PABPC1L: variants seen among roughly 807,000 people sequenced by gnomAD.
The protein encoded by PABPC1L is poly(A) binding protein cytoplasmic 1 like, also known as polyadenylate-binding protein 1-like.
A neutral mutation model predicts 66.6 loss-of-function variants in PABPC1L; 31 were observed. The ratio of observed to expected loss-of-function variants is 0.47; its 90% CI spans 0.35 to 0.63. The LOEUF is 0.63. Ranked by LOEUF, PABPC1L falls within the 20% of genes least tolerant of loss-of-function variation. The pLI is 0.00. For synonymous variants in PABPC1L, 348 were observed against 335.1 expected (o/e 1.04, Z -0.42); for missense variants, 722 against 848.8 (o/e 0.85, Z 1.86).
At chr20:44,921,937 G>T (rs1053157530) in intron 6 of PABPC1L, among the ~76,000 whole-genome samples, 1 of 152,206 alleles carries the variant, frequency 6.6e-6, no homozygotes, top group African/African-American at 2.4e-5. Flanking sequence ...CATCATAGGG[G>T]TTAGTAGGGG....
chr20:44,928,864 CAAAAA>C (rs10597679), intron 7 of PABPC1L, among the ~76,000 whole-genome samples: 3 of 54,342 alleles, frequency 5.5e-5, no homozygotes, highest in African/African-American at 2.6e-4. Context: ...GATCCTGACT[CAAAAA>C]AAAAAAAAAA....
chr20:44,938,659 A>T lies in PABPC1L; in HGVS notation c.1792-15A>T, dbSNP rs1283147034. The T allele has an allele frequency of 6.2e-7, 1 of 1,602,066 alleles. No homozygotes were observed. The highest frequency in any genetic ancestry group is 1.7e-5 in the Admixed American group (1 of 58,222). On this transcript the variant is annotated splice_polypyrimidine_tract_variant and intron_variant, in intron 13 of 14. Transcript: ENST00000217073. ...GATAGCTGCACTAAGCCCCCCCGCC[A>T]CTCATGTCTCACAGATAGACGAGGC...
chr20:44,937,981 G>A, intron 12 of PABPC1L, 80 bp from the exon 13 acceptor site: 1 of 1,594,030 alleles, frequency 6.3e-7, no homozygotes, highest in Non-Finnish European at 8.5e-7. Flanking sequence ...GATGTCCTCA[G>A]TGCTCCACTC....
At position 44,932,382 on chromosome 20, in the gene PABPC1L, C is replaced by T; in HGVS notation, c.1280C>T (p.Thr427Ile). 1 of 1,613,868 alleles carries T rather than the reference C, an allele frequency of 6.2e-7. No individual in the cohort carries two copies. Among genetic ancestry groups the T allele is most frequent in the Non-Finnish European group, 8.5e-7 (1 of 1,179,858 alleles). ...QAAYYGCGPV[T>I]PTQPAPRWTS... ...GCATACTATGGCTGTGGCCCAGTGA[C>T]ACCCACCCAGCCTGCCCCCAGGTGG... is the stretch of plus-strand genomic sequence containing the variant. The change falls in exon 9 of 15, where the codon ACA (threonine) becomes ATA (isoleucine). Residue 427 changes from threonine to isoleucine, a missense_variant. Physicochemically the swap from Thr to Ile is moderately conservative, Grantham distance 89 (BLOSUM62 -1). This residue lies in a region of PABPC1L where 301 missense variants were observed against 337.2 expected (regional missense o/e 0.89). Transcript: ENST00000217073.
chr20:44,923,790 C>T (rs1230156137), intron 6 of PABPC1L, among the ~76,000 whole-genome samples: 2 of 152,112 alleles, frequency 1.3e-5, no homozygotes, highest in Non-Finnish European at 2.9e-5. Flanking sequence ...CAGGGAGGAG[C>T]TCTGACTCCT....
At position 44,916,818 on chromosome 20, in the gene PABPC1L, C is replaced by T. The variant is rs370332339; in HGVS notation, c.450C>T (p.Ala150=). The change falls in exon 3 of 15, where the codon GCC becomes GCT. Residue 150 remains alanine (A), a synonymous_variant. Transcript: ENST00000217073. ...FGFVHFETHE[A]AQQAINTMNG... ...TTGTCCATTTTGAGACCCATGAGGC[C>T]GCACAGCAGGCCATCAACACCATGA... The T allele has an allele frequency of 9.3e-6, 15 of 1,614,052 alleles. No homozygotes were observed. Among genetic ancestry groups the T allele is most frequent in the African/African-American group, 8.0e-5 (6 of 74,920 alleles).
chr20:44,918,595 T>C (rs2066752171), intron 3 of PABPC1L, among the ~76,000 whole-genome samples: 2 of 152,242 alleles, frequency 1.3e-5, no homozygotes, highest in South Asian at 4.1e-4. Flanking sequence ...AGCCCTTGTC[T>C]GTCTGACTCT....
chr20:44,934,997 G>T (rs907295372), intron 10 of PABPC1L, among the ~76,000 whole-genome samples: 1 of 152,084 alleles, frequency 6.6e-6, no homozygotes, highest in African/African-American at 2.4e-5. Flanking sequence ...GAACCCAGGA[G>T]GGGGAGGTTG....
chr20:44,910,151 C>T lies in PABPC1L; in HGVS notation c.8C>T (p.Ala3Val), dbSNP rs1269737201. ...CCCGGCCCCCTGCCCACCATGAACGCCAGCGGTTCTGGCTACCCGCTTGCC... is the reference window on the plus strand; with the variant it reads ...CCCGGCCCCCTGCCCACCATGAACGTCAGCGGTTCTGGCTACCCGCTTGCC... MN[A>V]SGSGYPLASL... Residue 3 changes from alanine (A) to valine (V), a missense_variant, in exon 1 of 15, where the codon GCC (alanine) becomes GTC (valine). Physicochemically the swap from Ala to Val is moderately conservative, Grantham distance 64. Coordinates refer to ENST00000217073, the MANE Select transcript of PABPC1L (RefSeq NM_001372179.1). 2 of 1,564,510 alleles carry T rather than the reference C, an allele frequency of 1.3e-6. No individual in the cohort carries two copies. The highest frequency in any genetic ancestry group is 1.7e-4 in the Middle Eastern group (1 of 5,990).
In PABPC1L at chr20:44,933,108, G is replaced by T. The variant is rs373736182; in HGVS notation, c.1382G>T (p.Arg461Leu). The change falls in exon 10 of 15, where the codon CGC (arginine) becomes CTC (leucine). Residue 461 changes from arginine (R) to leucine (L), a missense_variant. This residue lies in a region of PABPC1L where 301 missense variants were observed against 337.2 expected (regional missense o/e 0.89). Transcript: ENST00000217073. Reference sequence around the variant, plus strand: ...GTCCGGCCACCAGTTGTGCCTCGGCGCCCCCCGGCCCACATCAGCAGTGTC... The same window carrying T: ...GTCCGGCCACCAGTTGTGCCTCGGCTCCCCCCGGCCCACATCAGCAGTGTC... ...SMVRPPVVPR[R>L]PPAHISSVRQ... 8.9e-5 allele frequency: 143 copies of T among 1,606,348 alleles called. 1 individual carries two copies. Among genetic ancestry groups the T allele is most frequent in the Non-Finnish European group, 1.2e-4 (136 of 1,177,330 alleles).
At chr20:44,924,024 T>A in intron 6 of PABPC1L, 137 bp from the exon 7 acceptor site, 1 of 703,406 alleles carries the variant, frequency 1.4e-6, no homozygotes. Context: ...ACCTGGGTGC[T>A]GAGGGAGACG....
intron 7 of PABPC1L, 77 bp from the exon 8 acceptor site, chr20:44,930,383 T>C (rs964840224): frequency 1.9e-5 from 29 of 1,541,320 alleles, no homozygotes; most frequent in Middle Eastern, 1.8e-4. Flanking sequence ...GCTTAGCCCA[T>C]GGGGAGGAGG....
At position 44,939,189 on chromosome 20, in the gene PABPC1L, C is replaced by T. The variant is rs2066924816; in HGVS notation, c.*70C>T. ...GTGTTTCTGGCTCTCAGCCCTAAGG[C>T]CCTGCAAACTCTAACTTATTTCCCA... On this transcript the variant is annotated 3_prime_UTR_variant, in exon 15 of 15. Coordinates refer to ENST00000217073, the MANE Select transcript of PABPC1L (RefSeq NM_001372179.1). 1.4e-6 allele frequency: 1 copy of T among 718,002 alleles called. No individual in the cohort carries two copies. The highest frequency in any genetic ancestry group is 2.6e-6 in the Non-Finnish European group (1 of 385,194). 44.5% of individuals were successfully genotyped at this position (718,002 alleles called of 1,614,324 possible).
intron 1 of PABPC1L, 135 bp from the exon 2 acceptor site, chr20:44,912,520 CTCTTA>C: frequency 1.5e-6 from 1 of 685,992 alleles, no homozygotes; most frequent in Non-Finnish European, 2.4e-6. Flanking sequence ...GTTATTTGGG[CTCTTA>C]TCTTGGCTTA....
At chr20:44,913,500 G>A (rs1480491328) in intron 2 of PABPC1L, among the ~76,000 whole-genome samples, 1 of 151,932 alleles carries the variant, frequency 6.6e-6, no homozygotes, top group Non-Finnish European at 1.5e-5. Flanking sequence ...CAACTTCCTG[G>A]GTTCAAGCCT....
chr20:44,931,846 C>T (rs1384441373), intron 8 of PABPC1L: 1 of 152,406 alleles, frequency 6.6e-6, no homozygotes, highest in African/African-American at 2.4e-5. Flanking sequence ...CCAATGTCTA[C>T]TGAGACTCTC....
chr20:44,910,245 C>A lies in PABPC1L; in HGVS notation c.102C>A (p.Ala34=). ...EAMLYEKFSP[A]GPILSIRVCR... is the part of the protein sequence containing the mutation. Reference sequence around the variant, plus strand: ...TGCTCTATGAGAAGTTCTCTCCCGCCGGCCCCATCCTGTCCATCCGCGTGT... The same window carrying A: ...TGCTCTATGAGAAGTTCTCTCCCGCAGGCCCCATCCTGTCCATCCGCGTGT... Residue 34 remains alanine, a synonymous_variant, in exon 1 of 15, where the codon GCC becomes GCA. Coordinates refer to ENST00000217073, the MANE Select transcript of PABPC1L (RefSeq NM_001372179.1). The A allele has an allele frequency of 6.4e-7, 1 of 1,567,164 alleles. No homozygotes were observed. The highest frequency in any genetic ancestry group is 2.4e-5 in the East Asian group (1 of 41,626).
rs192845537 is a variant in PABPC1L, at chr20:44,923,058, A to G, written c.877-1103A>G. Reference sequence around the variant, plus strand: ...ACATAATCTGCAAGAGCAGGATGCTATGCTGTACAATTGTGCGGTCTCTGT... The same window carrying G: ...ACATAATCTGCAAGAGCAGGATGCTGTGCTGTACAATTGTGCGGTCTCTGT... On this transcript the variant is annotated intron_variant, in intron 6 of 14. Transcript: ENST00000217073. Among the ~76,000 whole-genome samples the G allele has an allele frequency of 1.4e-4, 22 of 152,338 alleles. No homozygotes were observed. The East Asian group carries it at 4.1e-3, about 28-fold the overall frequency.
chr20:44,918,524 C>T (rs1306779819), intron 3 of PABPC1L, among the ~76,000 whole-genome samples: 1 of 152,154 alleles, frequency 6.6e-6, no homozygotes, highest in Non-Finnish European at 1.5e-5. Context: ...CTCTGAGGCT[C>T]AGAGAGGTTA....
Sources: allele counts gnomAD v4.1 joint callset (sites outside exome capture counted in the v4.1 genomes callset), GRCh38; gene constraint gnomAD v4.1.1; regional missense constraint gnomAD v4.1.1; transcripts MANE v1.5; gene names NCBI Gene and HGNC (gene_info 2026-07-23, HGNC 2026-07-21).